Variants in COXFA4L2 observed in about 807,000 individuals in gnomAD.
COXFA4L2 encodes cytochrome c oxidase hypoxia associated subunit FA4L2, also known as NADH dehydrogenase (ubiquinone) 1 alpha subcomplex, 4-like 2.
At chr12:57,236,252 C>A in the COXFA4L2 span, 1 of 353,996 alleles carries the variant, frequency 2.8e-6, no homozygotes, top group African/African-American at 2.1e-5. Context: ...CAATGCCACC[C>A]CCAGCAGCTC....
At chr12:57,236,635 G>T in the COXFA4L2 span, 9 of 1,584,046 alleles carry the variant, frequency 5.7e-6, no homozygotes, top group East Asian at 2.3e-5. Context: ...CAAGTAAAGC[G>T]CAGCGCTGCC....
the COXFA4L2 span, chr12:57,235,745 G>A: frequency 8.7e-6 from 14 of 1,602,824 alleles, no homozygotes; most frequent in African/African-American, 1.3e-5. Flanking sequence ...CCATCGAGAG[G>A]TACCTTGTAT....
At chr12:57,236,008 T>C in the COXFA4L2 span, among the ~76,000 whole-genome samples, 1 of 152,182 alleles carries the variant, frequency 6.6e-6, no homozygotes, top group Non-Finnish European at 1.5e-5. Context: ...ACAAGAAGCC[T>C]GTCACCATTG....
chr12:57,235,454 TAGCGGGAC>T, the COXFA4L2 span: 24 of 1,198,054 alleles, frequency 2.0e-5, no homozygotes, highest in Non-Finnish European at 2.2e-5. Context: ...GTGTAAGCAG[TAGCGGGAC>T]AGGGTGGCCG....
the COXFA4L2 span, chr12:57,237,160 G>A: frequency 6.2e-7 from 1 of 1,613,578 alleles, no homozygotes; most frequent in Non-Finnish European, 8.5e-7. Flanking sequence ...CCCCTGAGTG[G>A]GGAGGGATCA....
At chr12:57,235,798 T>C in the COXFA4L2 span, 3 of 1,548,788 alleles carry the variant, frequency 1.9e-6, no homozygotes, top group Non-Finnish European at 2.6e-6. Flanking sequence ...CGGGTTGTTC[T>C]TTCTGTCCCA....
the COXFA4L2 span, among the ~76,000 whole-genome samples, chr12:57,237,612 G>A: frequency 1.3e-5 from 2 of 152,344 alleles, no homozygotes; most frequent in Middle Eastern, 6.8e-3. Flanking sequence ...AGGAAGACAG[G>A]CCCACACCGT....
At chr12:57,237,476 G>A in the COXFA4L2 span, 1 of 572,142 alleles carries the variant, frequency 1.7e-6, no homozygotes, top group Non-Finnish European at 2.5e-6. Flanking sequence ...AATGTTCACA[G>A]GTGGGACCAG....
At chr12:57,235,462 C>A in the COXFA4L2 span, 1 of 1,278,054 alleles carries the variant, frequency 7.8e-7, no homozygotes, top group Middle Eastern at 2.6e-4. Flanking sequence ...AGTAGCGGGA[C>A]AGGGTGGCCG....
chr12:57,235,822 AG>A, the COXFA4L2 span: 3 of 1,527,676 alleles, frequency 2.0e-6, no homozygotes, highest in Non-Finnish European at 2.6e-6. Flanking sequence ...GTGGAGCAGG[AG>A]GGGGGAGGGT....
chr12:57,236,546 T>A, the COXFA4L2 span: 1 of 1,484,144 alleles, frequency 6.7e-7, no homozygotes, highest in Non-Finnish European at 9.1e-7. Context: ...TTCCACCCCA[T>A]CTTGCCTCAC....
chr12:57,236,594 AGAC>A, the COXFA4L2 span: 137 of 1,577,866 alleles, frequency 8.7e-5, no homozygotes, highest in Non-Finnish European at 1.1e-4. Flanking sequence ...TGCCTTTACC[AGAC>A]GTCGGGGCTG....
chr12:57,235,523 G>C, the COXFA4L2 span: 5 of 1,604,004 alleles, frequency 3.1e-6, no homozygotes, highest in East Asian at 1.1e-4. Flanking sequence ...GGATGGGCTG[G>C]CTGGCTGTGG....
the COXFA4L2 span, chr12:57,235,860 C>A: frequency 6.8e-7 from 1 of 1,469,876 alleles, no homozygotes; most frequent in Non-Finnish European, 9.1e-7. Context: ...GGACCCAGAA[C>A]TCTGTAACCC....
At chr12:57,235,556 G>T in the COXFA4L2 span, 20 of 1,613,170 alleles carry the variant, frequency 1.2e-5, no homozygotes, top group Non-Finnish European at 1.4e-5. Context: ...TGGCAGCCCA[G>T]CCTGGCTTAG....
the COXFA4L2 span, among the ~76,000 whole-genome samples, chr12:57,238,533 C>A: frequency 6.6e-6 from 1 of 152,208 alleles, no homozygotes; most frequent in African/African-American, 2.4e-5. The surrounding 1 kb of genome is among the most constrained non-coding windows in gnomAD (Gnocchi z 6.8). Flanking sequence ...CCCCAGCCCT[C>A]CAGTCTCTGG....
At chr12:57,235,843 C>T in the COXFA4L2 span, 6 of 1,506,434 alleles carry the variant, frequency 4.0e-6, no homozygotes, top group East Asian at 2.3e-5. Context: ...TTAGGGTCTC[C>T]TCCCTGGGAC....
At chr12:57,237,137 T>G in the COXFA4L2 span, 7 of 1,613,896 alleles carry the variant, frequency 4.3e-6, no homozygotes, top group Non-Finnish European at 5.9e-6. Context: ...CTCTCCCTCC[T>G]CCTGGGGTCC....
the COXFA4L2 span, chr12:57,236,977 TG>T: frequency 6.2e-7 from 1 of 1,608,702 alleles, no homozygotes; most frequent in Non-Finnish European, 8.5e-7. Context: ...ATTTGGAGGG[TG>T]GGGCAGCAGG....
Sources: gnomAD v4.1 joint callset for allele counts (sites outside exome capture counted in the v4.1 genomes callset) on GRCh38, gnomAD v4.1.1 for gene constraint, Gnocchi (gnomAD v3.1) non-coding constraint, MANE v1.5 for transcripts, NCBI Gene and HGNC (gene_info 2026-07-23, HGNC 2026-07-21) for gene names.